The following DLGAP2 variants were observed in gnomAD, a reference collection of about 807,000 sequenced individuals.
DLGAP2 encodes disks large-associated protein 2.
In DLGAP2, 26 loss-of-function variants were observed where a neutral mutation model predicts 100.3. That is an observed-to-expected ratio of 0.26 (90% CI 0.19 to 0.36). The LOEUF is 0.36. Among genes scored for constraint, DLGAP2 ranks in the 10% least tolerant of loss-of-function variants. DLGAP2 has a pLI of 1.00. For missense variants in DLGAP2, 1,858 were observed against 1,453.2 expected (o/e 1.28, Z -4.53); for synonymous variants, 886 against 630.1 (o/e 1.41, Z -6.08).
chr8:1,505,638 C>G (rs1799883321), intron 4 of DLGAP2, among the ~76,000 whole-genome samples: 1 of 152,142 alleles, frequency 6.6e-6, no homozygotes, highest in Non-Finnish European at 1.5e-5. Context: ...AAATTAAAGT[C>G]ACTGATAAAA....
intron 6 of DLGAP2, among the ~76,000 whole-genome samples, chr8:1,577,367 G>A (rs1187508137): frequency 1.3e-5 from 2 of 152,052 alleles, no homozygotes; most frequent in Non-Finnish European, 1.5e-5. Flanking sequence ...TCAGGAGTTC[G>A]AGACCAGCCT....
At chr8:1,623,155 G>A (rs1246943260) in intron 6 of DLGAP2, among the ~76,000 whole-genome samples, 1 of 152,216 alleles carries the variant, frequency 6.6e-6, no homozygotes, top group South Asian at 2.1e-4. Context: ...TGGTATCAGA[G>A]GATGGGATCT....
intron 3 of DLGAP2, among the ~76,000 whole-genome samples, chr8:1,269,712 C>A (rs1042685220): frequency 6.6e-6 from 1 of 152,098 alleles, no homozygotes; most frequent in Non-Finnish European, 1.5e-5. Flanking sequence ...CCTCCCCCAG[C>A]CAATCTTGTG....
intron 2 of DLGAP2, among the ~76,000 whole-genome samples, chr8:1,132,817 C>A (rs1000693329): frequency 6.6e-6 from 1 of 152,220 alleles, no homozygotes; most frequent in African/African-American, 2.4e-5. Flanking sequence ...GCAGGACGCC[C>A]AGTCGCTGGG....
At chr8:1,170,343 T>C (rs961505347) in intron 2 of DLGAP2, among the ~76,000 whole-genome samples, 42 of 152,068 alleles carry the variant, frequency 2.8e-4, no homozygotes, top group Non-Finnish European at 5.1e-4. Flanking sequence ...TCTAAAATTC[T>C]CTTTTTTGGT....
At chr8:790,776 C>T (rs1822003595) in intron 1 of DLGAP2, among the ~76,000 whole-genome samples, 1 of 151,992 alleles carries the variant, frequency 6.6e-6, no homozygotes, top group Non-Finnish European at 1.5e-5. Flanking sequence ...AACAGGGTTT[C>T]TTTCTGTTGC....
At chr8:773,917 C>T (rs1185879720) in intron 1 of DLGAP2, among the ~76,000 whole-genome samples, 7 of 152,304 alleles carry the variant, frequency 4.6e-5, no homozygotes, top group South Asian at 4.1e-4. Flanking sequence ...CCAGAGGAAT[C>T]GCCACACTGA....
At chr8:892,378 CG>C (rs1017881719) in intron 1 of DLGAP2, among the ~76,000 whole-genome samples, 24 of 152,216 alleles carry the variant, frequency 1.6e-4, no homozygotes, top group Admixed American at 7.8e-4. Flanking sequence ...CAAAGAGGAA[CG>C]AAATCCCGAC....
At chr8:1,144,883 G>A (rs1307231596) in intron 2 of DLGAP2, among the ~76,000 whole-genome samples, 4 of 151,264 alleles carry the variant, frequency 2.6e-5, no homozygotes, top group African/African-American at 7.3e-5. Flanking sequence ...AACCACAGAC[G>A]GCCTGTACCC....
At chr8:1,598,025 T>C (rs2956940) in intron 6 of DLGAP2, among the ~76,000 whole-genome samples, 46,745 of 151,970 alleles carry the variant, frequency 0.31, 7,413 homozygotes, top group East Asian at 0.5. Flanking sequence ...TAGCTCTTAT[T>C]GAGATACTTC....
intron 3 of DLGAP2, among the ~76,000 whole-genome samples, chr8:1,309,892 C>G (rs62483951): frequency 0.11 from 17,260 of 152,110 alleles, 999 homozygotes; most frequent in South Asian, 0.18. Flanking sequence ...GTCAGGAGTT[C>G]AAGACCAGCC....
intron 3 of DLGAP2, among the ~76,000 whole-genome samples, chr8:1,346,038 C>T (rs1309456744): frequency 6.6e-6 from 1 of 152,198 alleles, no homozygotes; most frequent in Non-Finnish European, 1.5e-5. Flanking sequence ...GCTCAATGCC[C>T]ACGCCATGGG....
chr8:847,291 A>G (rs928959935), intron 1 of DLGAP2, among the ~76,000 whole-genome samples: 8 of 152,098 alleles, frequency 5.3e-5, no homozygotes, highest in East Asian at 1.9e-4. Context: ...CTTTTGATCT[A>G]TTTAATCTTT....
chr8:1,204,722 G>C (rs575564625), intron 2 of DLGAP2, among the ~76,000 whole-genome samples: 1 of 152,304 alleles, frequency 6.6e-6, no homozygotes, highest in Admixed American at 6.5e-5. Context: ...GGGAGGGATG[G>C]AGATGGATGA....
chr8:1,517,894 C>T (rs979627835), intron 4 of DLGAP2, among the ~76,000 whole-genome samples: 5 of 152,190 alleles, frequency 3.3e-5, no homozygotes, highest in African/African-American at 7.2e-5. Flanking sequence ...GGGAGCCTTG[C>T]ACAAAATAAC....
intron 3 of DLGAP2, among the ~76,000 whole-genome samples, chr8:1,270,666 C>CTG (rs943294704): frequency 6.6e-6 from 1 of 151,168 alleles, no homozygotes; most frequent in Non-Finnish European, 1.5e-5. Context: ...TTGTGTGTCT[C>CTG]TGTGTGTGTC....
At chr8:1,227,773 A>G (rs1313023063) in intron 2 of DLGAP2, among the ~76,000 whole-genome samples, 1 of 152,330 alleles carries the variant, frequency 6.6e-6, no homozygotes, top group African/African-American at 2.4e-5. Context: ...GGAGAAATGT[A>G]GGTGAGAGGG....
intron 1 of DLGAP2, among the ~76,000 whole-genome samples, chr8:805,866 C>T (rs969657047): frequency 3.9e-5 from 6 of 152,220 alleles, no homozygotes; most frequent in Non-Finnish European, 8.8e-5. Flanking sequence ...GTCCCGTACA[C>T]GTCTTGTTTG....
chr8:1,086,626 T>C (rs1358502392), intron 2 of DLGAP2, among the ~76,000 whole-genome samples: 5 of 152,062 alleles, frequency 3.3e-5, no homozygotes, highest in Admixed American at 2.6e-4. Context: ...TGAGACAAAA[T>C]AGACTTAAAG....
Sources: gnomAD v4.1 joint callset for allele counts (sites outside exome capture counted in the v4.1 genomes callset) on GRCh38, gnomAD v4.1.1 for gene constraint, MANE v1.5 for transcripts, NCBI Gene and HGNC (gene_info 2026-07-23, HGNC 2026-07-21) for gene names.